The following PDIA3 variants were observed in gnomAD, a reference collection of about 807,000 sequenced individuals.
PDIA3 encodes protein disulfide isomerase family A member 3.
PDIA3 carries 16 observed loss-of-function variants against 56.9 expected under a neutral mutation model. That is an observed-to-expected ratio of 0.28 (90% confidence interval 0.19 to 0.43). PDIA3 has a LOEUF of 0.43. Among genes scored for constraint, PDIA3 ranks in the 20% least tolerant of loss-of-function variants. The pLI, the probability that PDIA3 is intolerant of heterozygous loss-of-function variation, is 1.00. For synonymous variants in PDIA3, 192 were observed against 216.5 expected (o/e 0.89, Z 0.99); for missense variants, 485 against 621.3 (o/e 0.78, Z 2.33).
At chr15:43,760,768 T>C (rs111740859) in intron 3 of PDIA3, among the ~76,000 whole-genome samples, 2,271 of 151,154 alleles carry the variant, frequency 0.015, 68 homozygotes, top group African/African-American at 0.053. Context: ...CCTGACCTCG[T>C]GATCTGCCCG....
Position 43,768,513 on chromosome 15 carries a change from G to T in PDIA3, c.1053G>T (p.Arg351Ser). 1 of 1,613,736 alleles carries T rather than the reference G, an allele frequency of 6.2e-7. No individual in the cohort carries two copies. Among genetic ancestry groups the T allele is most frequent in the Non-Finnish European group, 8.5e-7 (1 of 1,179,704 alleles). The change falls in exon 9 of 13, where the codon AGG (arginine) becomes AGT (serine). Residue 351 changes from arginine to serine, a missense_variant. Physicochemically the swap from Arg to Ser is moderately radical, Grantham distance 110. Coordinates refer to ENST00000300289, the MANE Select transcript of PDIA3 (RefSeq NM_005313.5). ...GGCGTGATGGGAAGGCTCTGGAGAG[G>T]TTCCTGCAGGATTACTTTGATGGCA... ...EFSRDGKALE[R>S]FLQDYFDGNL... is the part of the protein sequence containing the mutation.
At chr15:43,758,881 G>A (rs1380922310) in intron 3 of PDIA3, among the ~76,000 whole-genome samples, 1 of 151,850 alleles carries the variant, frequency 6.6e-6, no homozygotes, top group East Asian at 1.9e-4. Flanking sequence ...AGAGGCTAAG[G>A]CAGGAGACTC....
chr15:43,756,869 A>G, intron 3 of PDIA3, 103 bp downstream of exon 3: 2 of 639,968 alleles, frequency 3.1e-6, no homozygotes, highest in Admixed American at 2.5e-5. Context: ...TTTCAGTCTT[A>G]AAACTTCCTC....
chr15:43,760,458 G>A (rs1217069287), intron 3 of PDIA3, among the ~76,000 whole-genome samples: 1 of 151,390 alleles, frequency 6.6e-6, no homozygotes, highest in Non-Finnish European at 1.5e-5. Flanking sequence ...AATTGTGTCT[G>A]CTTAAATAAA....
chr15:43,758,685 A>G (rs916753081), intron 3 of PDIA3, among the ~76,000 whole-genome samples: 9 of 150,838 alleles, frequency 6.0e-5, no homozygotes, highest in African/African-American at 2.2e-4. Flanking sequence ...GAAAAAATTA[A>G]AAATAGAAGG....
At position 43,746,509 on chromosome 15, in the gene PDIA3, C is replaced by T. The variant is rs765774640; in HGVS notation, c.-31C>T. ...CCGCAGTCCCAGCCGAGCCGCGACC[C>T]TTCCGGCCGTCCCCACCCCACCTCG... is the stretch of plus-strand genomic sequence containing the variant. On this transcript the variant is annotated 5_prime_UTR_variant, in exon 1 of 13. Transcript: ENST00000300289. 47 of 1,546,550 alleles carry T rather than the reference C, an allele frequency of 3.0e-5. No homozygotes were observed. Among genetic ancestry groups the T allele is most frequent in the Non-Finnish European group, 4.0e-5 (46 of 1,148,614 alleles).
intron 3 of PDIA3, among the ~76,000 whole-genome samples, chr15:43,758,404 A>T (rs2086793577): frequency 6.6e-6 from 1 of 152,326 alleles, no homozygotes; most frequent in African/African-American, 2.4e-5. Flanking sequence ...CATGCCTATA[A>T]TCCCAGCACT....
intron 3 of PDIA3, among the ~76,000 whole-genome samples, chr15:43,758,763 G>A (rs1051051519): frequency 6.6e-6 from 1 of 151,928 alleles, no homozygotes; most frequent in Non-Finnish European, 1.5e-5. Context: ...ATCACTTGAG[G>A]TCAGGAGTTC....
At chr15:43,763,244 T>C in intron 5 of PDIA3, 38 bp downstream of exon 5, 1 of 1,603,302 alleles carries the variant, frequency 6.2e-7, no homozygotes, top group Non-Finnish European at 8.5e-7. Context: ...CAAGTATTAT[T>C]GTGTGAACTG....
chr15:43,746,453 A>C lies in PDIA3; in HGVS notation c.-87A>C, dbSNP rs1024483463. The C allele has an allele frequency of 3.9e-5, 51 of 1,291,980 alleles. No homozygotes were observed. Among genetic ancestry groups the C allele is most frequent in the South Asian group, 9.7e-5 (6 of 61,824 alleles). 80.0% of individuals were successfully genotyped at this position (1,291,980 alleles called of 1,614,324 possible). A position where few individuals can be genotyped will look rare whatever the true frequency, so the allele number is the denominator to read the frequency against. Reference sequence around the variant, plus strand: ...CGCCTGGGCCAGACGCGCGAGCGCAAGCAGCGGGTTAGTGGTCGCGCGCCC... The same window carrying C: ...CGCCTGGGCCAGACGCGCGAGCGCACGCAGCGGGTTAGTGGTCGCGCGCCC... On this transcript the variant is annotated 5_prime_UTR_variant, in exon 1 of 13. Transcript: ENST00000300289.
At position 43,746,605 on chromosome 15, in the gene PDIA3, C is replaced by T. The variant is rs752938004; in HGVS notation, c.66C>T (p.Ala22=). The stretch of plus-strand genomic sequence containing the variant: ...TGCTTCTTGCCGCGGCCCGCCTCGC[C>T]GCTGCCTCCGACGTGCTAGAACTCA... The part of the protein sequence containing the change: ...VALLLAAARL[A]AASDVLELTD... Residue 22 remains alanine (A), a synonymous_variant, in exon 1 of 13, where the codon GCC becomes GCT. Transcript: ENST00000300289. 6 of 1,612,560 alleles carry T rather than the reference C, an allele frequency of 3.7e-6. No homozygotes were observed. The highest frequency in any genetic ancestry group is 5.1e-6 in the Non-Finnish European group (6 of 1,179,826).
intron 7 of PDIA3, among the ~76,000 whole-genome samples, chr15:43,766,311 G>A (rs919976279): frequency 9.9e-5 from 15 of 152,078 alleles, no homozygotes; most frequent in African/African-American, 3.4e-4. Flanking sequence ...TATTTCGTAG[G>A]TGTTTCTTTG....
chr15:43,765,080 A>T (rs2086839496), intron 5 of PDIA3, among the ~76,000 whole-genome samples: 1 of 152,280 alleles, frequency 6.6e-6, no homozygotes, highest in East Asian at 1.9e-4. Flanking sequence ...GCAAAAGTAC[A>T]TAGTCTGAGC....
intron 1 of PDIA3, 103 bp downstream of exon 1, chr15:43,746,809 T>A (rs1207925387): frequency 3.2e-6 from 4 of 1,254,554 alleles, no homozygotes; most frequent in East Asian, 4.8e-5. Flanking sequence ...CCTTCATTCC[T>A]GTGGGCCCCT....
intron 1 of PDIA3, among the ~76,000 whole-genome samples, chr15:43,750,195 A>T (rs111268218): frequency 0.036 from 2,804 of 77,758 alleles, 120 homozygotes; most frequent in African/African-American, 0.14. Context: ...TTTTTTTTTT[A>T]AGTAGAGACC....
intron 1 of PDIA3, 72 bp downstream of exon 1, chr15:43,746,778 G>A (rs977556690): frequency 1.3e-6 from 2 of 1,529,678 alleles, no homozygotes; most frequent in African/African-American, 1.4e-5. Context: ...GGGAACTGTT[G>A]GGCCTACGCA....
chr15:43,763,297 G>A, intron 5 of PDIA3, 91 bp downstream of exon 5: 14 of 1,421,172 alleles, frequency 9.9e-6, no homozygotes, highest in Non-Finnish European at 1.4e-5. Context: ...CTGTCACCCA[G>A]GCTGGAGTGC....
At chr15:43,758,186 A>C (rs906523987) in intron 3 of PDIA3, among the ~76,000 whole-genome samples, 1 of 151,898 alleles carries the variant, frequency 6.6e-6, no homozygotes. Context: ...GCGGTGAGCC[A>C]AGATCATGCC....
intron 3 of PDIA3, among the ~76,000 whole-genome samples, chr15:43,757,306 C>G (rs1254426834): frequency 2.0e-5 from 3 of 152,116 alleles, no homozygotes; most frequent in African/African-American, 7.2e-5. Context: ...CGCCTGTAAT[C>G]CCAGCACTTT....
Sources: allele counts gnomAD v4.1 joint callset (sites outside exome capture counted in the v4.1 genomes callset), GRCh38; gene constraint gnomAD v4.1.1; transcripts MANE v1.5; gene names NCBI Gene and HGNC (gene_info 2026-07-23, HGNC 2026-07-21).